RAB10: variants seen among roughly 807,000 people sequenced by gnomAD.
RAB10 encodes the protein RAB10, member RAS oncogene family.
In RAB10, 5 loss-of-function variants were observed where a neutral mutation model predicts 25.7. The ratio of observed to expected loss-of-function variants is 0.19; its 90% CI spans 0.10 to 0.41. The LOEUF is 0.41. Ranked by LOEUF, RAB10 falls within the 10% of genes least tolerant of loss-of-function variation. RAB10 has a pLI of 1.00. For missense variants in RAB10, 103 were observed against 245.8 expected (o/e 0.42, Z 3.89); for synonymous variants, 89 against 86.4 (o/e 1.03, Z -0.16).
At chr2:26,039,945 A>G (rs550132745) in intron 1 of RAB10, among the ~76,000 whole-genome samples, 9 of 152,252 alleles carry the variant, frequency 5.9e-5, no homozygotes, top group African/African-American at 1.7e-4. Flanking sequence ...GTATTTCTAC[A>G]TGGATGTATA....
intron 1 of RAB10, among the ~76,000 whole-genome samples, chr2:26,078,183 C>T (rs1375001751): frequency 2.0e-5 from 3 of 152,076 alleles, no homozygotes; most frequent in Non-Finnish European, 4.4e-5. Context: ...TTTAAAAGAT[C>T]TAAGTAAATG....
chr2:26,051,637 C>G (rs1666135956), intron 1 of RAB10, among the ~76,000 whole-genome samples: 1 of 151,490 alleles, frequency 6.6e-6, no homozygotes, highest in Non-Finnish European at 1.5e-5. Flanking sequence ...GCCTGTAGTC[C>G]CAGCTACTCG....
At chr2:26,058,506 TC>T (rs1026382472) in intron 1 of RAB10, among the ~76,000 whole-genome samples, 1 of 152,122 alleles carries the variant, frequency 6.6e-6, no homozygotes, top group Non-Finnish European at 1.5e-5. Context: ...CAAGCAGTCC[TC>T]CCACCTCAGC....
intron 1 of RAB10, among the ~76,000 whole-genome samples, chr2:26,082,627 T>C (rs570553756): frequency 7.6e-4 from 116 of 152,284 alleles, no homozygotes; most frequent in African/African-American, 2.6e-3. Context: ...ATTTAAAACC[T>C]TTCTGAAAGA....
rs1263320383 is a variant in RAB10, at chr2:26,067,428, T to C, written c.128-31234T>C. On this transcript the variant is annotated intron_variant, in intron 1 of 5. Transcript: ENST00000264710. ...AAGGACCACTCATACACATTTCCTATGTACATATTTTTTCCATGTTTCCTA... is the reference window on the plus strand; with the variant it reads ...AAGGACCACTCATACACATTTCCTACGTACATATTTTTTCCATGTTTCCTA... Among the ~76,000 whole-genome samples the C allele has an allele frequency of 2.0e-5, 3 of 152,220 alleles. No homozygotes were observed. In the East Asian group the frequency reaches 5.8e-4, roughly 29 times the overall value.
In RAB10 at chr2:26,078,949, G is replaced by A. The variant is rs562328715; in HGVS notation, c.128-19713G>A. Among the ~76,000 whole-genome samples, 41 of 152,222 alleles carry A rather than the reference G, an allele frequency of 2.7e-4. No homozygotes were observed. In the South Asian group the frequency reaches 8.1e-3, roughly 30 times the overall value. On this transcript the variant is annotated intron_variant, in intron 1 of 5. Transcript: ENST00000264710. Reference sequence around the variant, plus strand: ...TTACACCTGTAATCTCAGCACTTTGGGAGGCCAAGGTGGGCAGATCCTGAG... The same window carrying A: ...TTACACCTGTAATCTCAGCACTTTGAGAGGCCAAGGTGGGCAGATCCTGAG...
rs1665717906 is a variant in RAB10 at position 26,034,416 on chromosome 2, C to T, written c.-193C>T. 1.4e-6 allele frequency: 1 copy of T among 709,950 alleles called. No individual in the cohort carries two copies. The highest frequency in any genetic ancestry group is 2.0e-5 in the South Asian group (1 of 51,032). 44.0% of individuals were successfully genotyped at this position (709,950 alleles called of 1,614,324 possible). On this transcript the variant is annotated 5_prime_UTR_variant, in exon 1 of 6. Transcript: ENST00000264710. ...AGGCTGCGGAGCCGCGGTCGCCGCC[C>T]TCGGAGGCACTGGACGCCGCCACTG... is the stretch of plus-strand genomic sequence containing the variant.
In RAB10 at chr2:26,115,340, CA is replaced by C. The variant is rs150323241; in HGVS notation, c.327+5437del. Among the ~76,000 whole-genome samples, 1,140 of 151,584 alleles carry C rather than the reference CA, an allele frequency of 7.5e-3. 11 individuals carry two copies. The highest frequency in any genetic ancestry group is 0.027 in the African/African-American group (1,101 of 41,330). On this transcript the variant is annotated intron_variant, in intron 3 of 5. Coordinates refer to ENST00000264710, the MANE Select transcript of RAB10 (RefSeq NM_016131.5). Reference sequence around the variant, plus strand: ...CCAAAAAAAAAAACCAGAAACAACCCAAACATCCATCAACTGATGAATGGAT... The same window carrying C: ...CCAAAAAAAAAAACCAGAAACAACCCAACATCCATCAACTGATGAATGGAT...
At chr2:26,071,832 AC>A (rs1394660302) in intron 1 of RAB10, among the ~76,000 whole-genome samples, 10 of 152,168 alleles carry the variant, frequency 6.6e-5, no homozygotes, top group African/African-American at 2.4e-4. Flanking sequence ...ACACTACTGC[AC>A]TACAGCCTGG....
chr2:26,033,373 G>A (rs1344461499), upstream of RAB10, among the ~76,000 whole-genome samples: 1 of 152,226 alleles, frequency 6.6e-6, no homozygotes, highest in Non-Finnish European at 1.5e-5. Flanking sequence ...GCGCCCAGGT[G>A]TTCCTCAACC....
At chr2:26,056,929 CTG>C (rs1461129484) in intron 1 of RAB10, among the ~76,000 whole-genome samples, 2 of 152,152 alleles carry the variant, frequency 1.3e-5, no homozygotes, top group African/African-American at 2.4e-5. Flanking sequence ...GCCCTAAAAA[CTG>C]TGTGGTGCCT....
At chr2:26,087,649 A>G (rs1667015275) in intron 1 of RAB10, among the ~76,000 whole-genome samples, 1 of 152,158 alleles carries the variant, frequency 6.6e-6, no homozygotes, top group Non-Finnish European at 1.5e-5. Context: ...TGATCTGCCC[A>G]CGTTGGTCTC....
chr2:26,098,495 C>G (rs751308038), intron 1 of RAB10, 167 bp from the exon 2 acceptor site: 15 of 579,124 alleles, frequency 2.6e-5, no homozygotes, highest in Non-Finnish European at 4.2e-5. Flanking sequence ...TTGTATTACT[C>G]AGGTTTAAAA....
At chr2:26,129,848 G>A (rs1373099719) in intron 5 of RAB10, among the ~76,000 whole-genome samples, 3 of 152,172 alleles carry the variant, frequency 2.0e-5, no homozygotes, top group Non-Finnish European at 4.4e-5. Flanking sequence ...GAGGCTGACA[G>A]CAATTAAAAT....
chr2:26,070,623 A>G (rs1460386108), intron 1 of RAB10, among the ~76,000 whole-genome samples: 1 of 152,238 alleles, frequency 6.6e-6, no homozygotes, highest in Non-Finnish European at 1.5e-5. Flanking sequence ...CCTTGATAAT[A>G]TGACAAATAT....
intron 1 of RAB10, among the ~76,000 whole-genome samples, chr2:26,087,867 G>A (rs186502080): frequency 2.3e-3 from 345 of 152,252 alleles, no homozygotes; most frequent in African/African-American, 7.5e-3. Context: ...TACACAAAAG[G>A]ATCTTTAGAG....
At chr2:26,065,633 A>C (rs1224089007) in intron 1 of RAB10, among the ~76,000 whole-genome samples, 1 of 152,244 alleles carries the variant, frequency 6.6e-6, no homozygotes, top group African/African-American at 2.4e-5. Flanking sequence ...ATACCATTGT[A>C]GGACACTTAA....
intron 1 of RAB10, among the ~76,000 whole-genome samples, chr2:26,050,887 G>A (rs10174196): frequency 6.6e-6 from 1 of 151,910 alleles, no homozygotes; most frequent in Admixed American, 6.6e-5. Flanking sequence ...GATTACAGGT[G>A]TGAGTCCTTG....
chr2:26,087,652 T>C (rs1667015406), intron 1 of RAB10, among the ~76,000 whole-genome samples: 1 of 152,206 alleles, frequency 6.6e-6, no homozygotes, highest in Non-Finnish European at 1.5e-5. Flanking sequence ...TCTGCCCACG[T>C]TGGTCTCCCA....
Sources: allele counts gnomAD v4.1 joint callset (sites outside exome capture counted in the v4.1 genomes callset), GRCh38; gene constraint gnomAD v4.1.1; transcripts MANE v1.5; gene names NCBI Gene and HGNC (gene_info 2026-07-23, HGNC 2026-07-21).